Variants in GKAP1 observed in about 807,000 individuals in gnomAD.
GKAP1 encodes the protein G kinase-anchoring protein 1.
Under a neutral mutation model 56.7 loss-of-function variants are expected in GKAP1, and 31 were observed. The ratio of observed to expected loss-of-function variants is 0.55; its 90% CI spans 0.41 to 0.74. The LOEUF (loss-of-function observed/expected upper bound fraction) is 0.74. Ranked by LOEUF, GKAP1 falls within the 30% of genes least tolerant of loss-of-function variation. The probability of loss-of-function intolerance (pLI) is 0.00; values close to 1 mark genes in which losing one functional copy is unlikely to be tolerated. For missense variants in GKAP1, 364 were observed against 402.3 expected, an observed-to-expected ratio of 0.90 and a Z score of 0.82; for synonymous variants, 151 against 138.6, an observed-to-expected ratio of 1.09 and a Z score of -0.63.
At chr9:83,804,236 C>G in intron 3 of GKAP1, among the ~76,000 whole-genome samples, 1 of 150,282 alleles carries the variant, frequency 6.7e-6, no homozygotes, top group South Asian at 2.1e-4. Context: ...GCCACCCCGT[C>G]CGGGAGGGAG....
At chr9:83,757,854 A>G (rs1417772122) in intron 8 of GKAP1, among the ~76,000 whole-genome samples, 1 of 152,184 alleles carries the variant, frequency 6.6e-6, no homozygotes, top group African/African-American at 2.4e-5. Flanking sequence ...TGAAAAAAAA[A>G]AAGTGTAGAA....
At chr9:83,803,388 G>A (rs542099624) in intron 3 of GKAP1, among the ~76,000 whole-genome samples, 5 of 152,080 alleles carry the variant, frequency 3.3e-5, no homozygotes, top group African/African-American at 1.2e-4. Context: ...GAGTGCCTGC[G>A]ATTGCAGGCG....
At chr9:83,782,660 CTT>C (rs772629569) in intron 6 of GKAP1, among the ~76,000 whole-genome samples, 15 of 117,418 alleles carry the variant, frequency 1.3e-4, no homozygotes, top group South Asian at 2.8e-4. Context: ...CGCGCCCAGC[CTT>C]TTTTTTTTTT....
At chr9:83,763,950 ATAAAGT>A (rs1943618563) in intron 8 of GKAP1, among the ~76,000 whole-genome samples, 7 of 152,184 alleles carry the variant, frequency 4.6e-5, no homozygotes, top group Admixed American at 4.6e-4. Flanking sequence ...ACTTGTTAAT[ATAAAGT>A]TATATACCCA....
intron 4 of GKAP1, among the ~76,000 whole-genome samples, chr9:83,792,251 G>A (rs1944171978): frequency 6.6e-6 from 1 of 152,154 alleles, no homozygotes; most frequent in South Asian, 2.1e-4. Flanking sequence ...AAATGAATTA[G>A]AATTACTCTC....
intron 4 of GKAP1, among the ~76,000 whole-genome samples, chr9:83,794,998 T>C (rs114284105): frequency 0.013 from 1,955 of 151,442 alleles, 37 homozygotes; most frequent in African/African-American, 0.045. Context: ...TAAAAAACAA[T>C]ACAAAAAACT....
intron 8 of GKAP1, among the ~76,000 whole-genome samples, chr9:83,757,223 C>T (rs982676137): frequency 4.6e-5 from 7 of 152,146 alleles, no homozygotes; most frequent in African/African-American, 1.7e-4. Context: ...ATGAAATGAA[C>T]CTTGAATAAA....
At position 83,817,648 on chromosome 9, in the gene GKAP1, G is replaced by A. The variant is rs1290004832; in HGVS notation, c.-307C>T. 2 of 151,242 alleles carry A rather than the reference G, an allele frequency of 1.3e-5. No homozygotes were observed. The highest frequency in any genetic ancestry group is 3.0e-5 in the Non-Finnish European group (2 of 67,732). 9.4% of individuals were successfully genotyped at this position (151,242 alleles called of 1,614,324 possible). A position where few individuals can be genotyped will look rare whatever the true frequency, so the allele number is the denominator to read the frequency against. On this transcript the variant is annotated 5_prime_UTR_variant, in exon 1 of 13. Coordinates refer to ENST00000376371, the MANE Select transcript of GKAP1 (RefSeq NM_025211.4). ...TCAAGTGTCGGCAGAGCTGGGGGCAGGCTCGCGCCGGGCGGGGGTCGCGGT... is the reference window on the plus strand; with the variant it reads ...TCAAGTGTCGGCAGAGCTGGGGGCAAGCTCGCGCCGGGCGGGGGTCGCGGT...
rs368970118 is a variant in GKAP1 at position 83,779,448 on chromosome 9, T to TACACACACACACACAC, written c.585+918_585+933dup. On this transcript the variant is annotated intron_variant, in intron 7 of 12. Coordinates refer to ENST00000376371, the MANE Select transcript of GKAP1 (RefSeq NM_025211.4). ...AGCCATATATATATATATATATATATACACACACACACACACGCACATATA... is the reference window on the plus strand; with the variant it reads ...AGCCATATATATATATATATATATATACACACACACACACACACACACACACACACACGCACATATA... Among the ~76,000 whole-genome samples, 882 of 119,600 alleles carry TACACACACACACACAC rather than the reference T, an allele frequency of 7.4e-3. 14 individuals carry two copies. Among genetic ancestry groups the TACACACACACACACAC allele is most frequent in the Non-Finnish European group, 0.012 (699 of 57,484 alleles). 78.5% of individuals were successfully genotyped at this position (119,600 alleles called of 152,430 possible).
chr9:83,744,555 TA>T (rs1196817384), intron 10 of GKAP1, among the ~76,000 whole-genome samples: 1 of 152,224 alleles, frequency 6.6e-6, no homozygotes, highest in African/African-American at 2.4e-5. Context: ...TTTATGTATT[TA>T]ACCATTTTAA....
At chr9:83,742,680 A>G in intron 10 of GKAP1, 80 bp from the exon 11 acceptor site, 1 of 791,400 alleles carries the variant, frequency 1.3e-6, no homozygotes, top group Non-Finnish European at 2.1e-6. Context: ...ACTAAGACAT[A>G]GCAGTGCAAT....
At chr9:83,752,702 T>C (rs1280391729) in intron 9 of GKAP1, among the ~76,000 whole-genome samples, 3 of 144,190 alleles carry the variant, frequency 2.1e-5, no homozygotes, top group East Asian at 4.0e-4. Context: ...TAAATGGTTA[T>C]GTTATATGTA....
chr9:83,805,222 T>C (rs1385012098), intron 3 of GKAP1, among the ~76,000 whole-genome samples: 1 of 152,110 alleles, frequency 6.6e-6, no homozygotes, highest in Non-Finnish European at 1.5e-5. Flanking sequence ...TTAAATGGAT[T>C]AAGGGCGGTG....
In GKAP1 at chr9:83,799,048, A is replaced by G. The variant is rs1587734187; in HGVS notation, c.360+137T>C. 5 of 718,798 alleles carry G rather than the reference A, an allele frequency of 7.0e-6. No homozygotes were observed. In the East Asian group the frequency reaches 1.4e-4, roughly 20 times the overall value. The allele number at this position is 718,798 out of a possible 1,614,324, so 44.5% of individuals were successfully genotyped here. On this transcript the variant is annotated intron_variant, in intron 4 of 12. Coordinates refer to ENST00000376371, the MANE Select transcript of GKAP1 (RefSeq NM_025211.4). ...CAGTAGATCAAAAACAGAACCTCTT[A>G]TTAAAAGCAACAAATATGAATTAAT...
chr9:83,765,287 A>T (rs914131062), intron 8 of GKAP1, among the ~76,000 whole-genome samples: 33 of 152,212 alleles, frequency 2.2e-4, no homozygotes, highest in Non-Finnish European at 1.9e-4. Flanking sequence ...GAGATTTGGG[A>T]ACCTCTGCCT....
intron 9 of GKAP1, among the ~76,000 whole-genome samples, chr9:83,751,798 T>G: frequency 6.6e-6 from 1 of 150,822 alleles, no homozygotes; most frequent in African/African-American, 2.4e-5. Context: ...GTAAGATTTG[T>G]AGTTAAAAAT....
At chr9:83,772,348 G>A (rs1290650713) in intron 7 of GKAP1, among the ~76,000 whole-genome samples, 1 of 152,106 alleles carries the variant, frequency 6.6e-6, no homozygotes, top group South Asian at 2.1e-4. Flanking sequence ...TTTTATTAAG[G>A]ATATAAGAGT....
At chr9:83,798,696 T>G (rs1216220593) in intron 4 of GKAP1, among the ~76,000 whole-genome samples, 1 of 152,064 alleles carries the variant, frequency 6.6e-6, no homozygotes, top group Non-Finnish European at 1.5e-5. Flanking sequence ...CTGTTTTTTT[T>G]GTAGACAAAG....
At chr9:83,750,898 C>T (rs1002492689) in intron 9 of GKAP1, among the ~76,000 whole-genome samples, 3 of 148,378 alleles carry the variant, frequency 2.0e-5, no homozygotes, top group East Asian at 1.9e-4. Flanking sequence ...GTGCATGGCA[C>T]GATCTTAGCT....
Sources: gnomAD v4.1 joint callset for allele counts (sites outside exome capture counted in the v4.1 genomes callset) on GRCh38, gnomAD v4.1.1 for gene constraint, MANE v1.5 for transcripts, NCBI Gene and HGNC (gene_info 2026-07-23, HGNC 2026-07-21) for gene names.